Variants in EHMT1 observed in about 807,000 individuals in gnomAD.
EHMT1 encodes the protein histone-lysine N-methyltransferase EHMT1.
Under a neutral mutation model 147.2 loss-of-function variants are expected in EHMT1, and 15 were observed. The observed-to-expected ratio is 0.10, with a 90% CI of 0.07 to 0.16. EHMT1 has a LOEUF of 0.16. Ranked by LOEUF, EHMT1 falls within the 10% of genes least tolerant of loss-of-function variation. The pLI is 1.00. For synonymous variants in EHMT1, 795 were observed against 709.6 expected (o/e 1.12, Z -1.91); for missense variants, 1,587 against 1,772.4 (o/e 0.90, Z 1.88).
rs182057970 is a variant in EHMT1, at chr9:137,782,630, T to C, written c.2382+233T>C. 1.0e-3 allele frequency among the ~76,000 whole-genome samples: 159 copies of C among 152,284 alleles called. 2 individuals carry two copies. Among genetic ancestry groups the C allele is most frequent in the Non-Finnish European group, 1.9e-3 (127 of 68,028 alleles). On this transcript the variant is annotated intron_variant, in intron 15 of 26. Transcript: ENST00000460843. This position sits in a 1 kb window ranked among gnomAD's most constrained non-coding sequence, Gnocchi z 5.7. Reference sequence around the variant, plus strand: ...AAGAGCATGCCGCCATTTGGCTGTTTCTTGATTTGCTTTCTTTGGTTTTGG... The same window carrying C: ...AAGAGCATGCCGCCATTTGGCTGTTCCTTGATTTGCTTTCTTTGGTTTTGG...
chr9:137,641,286 C>T (rs374215237), intron 1 of EHMT1: 50 of 442,156 alleles, frequency 1.1e-4, no homozygotes, highest in Middle Eastern at 8.4e-4. Flanking sequence ...ATTTGATTTC[C>T]GTGGACTTTG....
intron 3 of EHMT1, among the ~76,000 whole-genome samples, chr9:137,721,200 ACCC>A (rs1488963890): frequency 1.2e-3 from 10 of 8,184 alleles, no homozygotes; most frequent in South Asian, 3.8e-3. Context: ...TCTCACACTC[ACCC>A]CTCCCAGACT....
In EHMT1 at chr9:137,718,754, C is replaced by CTT. The variant is rs1163532857; in HGVS notation, c.642+1576_642+1577dup. On this transcript the variant is annotated intron_variant, in intron 3 of 26. Transcript: ENST00000460843. ...ATTAGTTCTCTCTCTTTTTCTTTTT[C>CTT]TTTTTCTTTTTTTTTTTTTGAGACG... Among the ~76,000 whole-genome samples the CTT allele has an allele frequency of 1.8e-4, 27 of 146,402 alleles. 1 individual carries two copies. Among genetic ancestry groups the CTT allele is most frequent in the African/African-American group, 5.6e-4 (21 of 37,748 alleles).
In EHMT1 at chr9:137,716,749, C is replaced by G; in HGVS notation, c.209C>G (p.Ala70Gly). The stretch of plus-strand genomic sequence containing the variant: ...GATGCCAGCAGTCATGCAAATGCTG[C>G]AAAGCACACTCAGGACAGCGCAAGG... ...NSDASSHANAAKHTQDSARVN... is the reference protein window; with the variant it reads ...NSDASSHANAGKHTQDSARVN... The change falls in exon 3 of 27, where the codon GCA (alanine) becomes GGA (glycine). Residue 70 changes from alanine (A) to glycine (G), a missense_variant. Ala to Gly is a moderately conservative substitution (Grantham distance 60, BLOSUM62 0). This residue lies in a region of EHMT1 where 810 missense variants were observed against 673.0 expected (regional missense o/e 1.20). Transcript: ENST00000460843. The G allele has an allele frequency of 6.2e-7, 1 of 1,612,910 alleles. No individual in the cohort carries two copies. The highest frequency in any genetic ancestry group is 8.5e-7 in the Non-Finnish European group (1 of 1,179,676).
At chr9:137,818,817 C>T (rs74992363) in intron 25 of EHMT1, among the ~76,000 whole-genome samples, 209 of 366 alleles carry the variant, frequency 0.57, 51 homozygotes, top group South Asian at 0.75. Context: ...GAGAGGCCGA[C>T]TGAGGGGCGC....
intron 18 of EHMT1, among the ~76,000 whole-genome samples, chr9:137,806,237 A>C (rs1953938574): frequency 6.6e-6 from 1 of 152,164 alleles, no homozygotes; most frequent in South Asian, 2.1e-4. Context: ...CTGGGATTGC[A>C]GAAATGAGCC....
intron 16 of EHMT1, among the ~76,000 whole-genome samples, chr9:137,794,902 C>CA (rs1301719731): frequency 6.6e-6 from 1 of 152,110 alleles, no homozygotes. Context: ...CTGAAGCTTC[C>CA]AGGAGGAAAA....
chr9:137,753,378 T>C (rs1270638328), intron 7 of EHMT1, among the ~76,000 whole-genome samples: 1 of 152,096 alleles, frequency 6.6e-6, no homozygotes, highest in Non-Finnish European at 1.5e-5. Flanking sequence ...CAGCTTTGGG[T>C]GTGGCGCTTG....
intron 6 of EHMT1, among the ~76,000 whole-genome samples, chr9:137,745,022 A>T (rs1032131352): frequency 6.6e-6 from 1 of 152,250 alleles, no homozygotes; most frequent in Non-Finnish European, 1.5e-5. Context: ...TCAAGTTGAC[A>T]TGCAAATCTG....
At chr9:137,688,771 C>T (rs1564590350) in intron 1 of EHMT1, among the ~76,000 whole-genome samples, 1 of 152,166 alleles carries the variant, frequency 6.6e-6, no homozygotes. Flanking sequence ...GATGAGTTTG[C>T]TTCTGCGTTC....
At chr9:137,714,152 A>G (rs1185408592) in intron 2 of EHMT1, among the ~76,000 whole-genome samples, 2 of 152,092 alleles carry the variant, frequency 1.3e-5, no homozygotes, top group South Asian at 2.1e-4. Context: ...TTATGGCCCT[A>G]CTTCGAATCT....
rs554656861 is a variant in EHMT1 at position 137,716,861 on chromosome 9, C to T, written c.321C>T (p.Asn107=). The T allele has an allele frequency of 1.4e-5, 22 of 1,613,292 alleles. No individual in the cohort carries two copies. Among genetic ancestry groups the T allele is most frequent in the South Asian group, 2.2e-5 (2 of 91,090 alleles). The change falls in exon 3 of 27, where the codon AAC becomes AAT. Residue 107 remains asparagine (N), a synonymous_variant. Transcript: ENST00000460843. ...SERDSEAAKQ[N]HVTADDFVQT... ...GAGACTCAGAAGCGGCGAAGCAAAA[C>T]CACGTCACTGCCGACGACTTTGTGC...
intron 1 of EHMT1, among the ~76,000 whole-genome samples, chr9:137,686,213 G>T (rs1390522913): frequency 6.8e-6 from 1 of 147,086 alleles, no homozygotes; most frequent in African/African-American, 2.5e-5. Flanking sequence ...TAGTTTTGAT[G>T]ACGTCCAATT....
intron 6 of EHMT1, chr9:137,748,042 G>A (rs1218838033): frequency 3.9e-5 from 6 of 151,906 alleles, no homozygotes; most frequent in Admixed American, 1.3e-4. Context: ...TATATTATTA[G>A]TTAATTTTCA....
At chr9:137,764,921 C>A (rs1297176255) in intron 10 of EHMT1, among the ~76,000 whole-genome samples, 1 of 152,214 alleles carries the variant, frequency 6.6e-6, no homozygotes, top group Non-Finnish European at 1.5e-5. Flanking sequence ...AGTCATTTGC[C>A]TTAGTTCCTA....
Position 137,769,824 on chromosome 9 carries a change from C to CTTTACT in EHMT1, c.1648-5282_1648-5281insACTTTT, listed in dbSNP as rs547494545. Among the ~76,000 whole-genome samples the CTTTACT allele has an allele frequency of 3.7e-3, 562 of 151,630 alleles. 15 individuals are homozygous for CTTTACT. In the East Asian group the frequency reaches 0.083, roughly 22 times the overall value. ...TTCTTAGCCAGCTATCACTTTTTTT[C>CTTTACT]TTTCCTTTTCCTTTTCCTTTTCCAT... On this transcript the variant is annotated intron_variant, in intron 10 of 26. Transcript: ENST00000460843.
intron 1 of EHMT1, among the ~76,000 whole-genome samples, chr9:137,647,743 C>T (rs576185630): frequency 1.3e-4 from 19 of 151,996 alleles, no homozygotes; most frequent in Non-Finnish European, 2.2e-4. Context: ...TACACGCGTG[C>T]GCCACCATGC....
chr9:137,761,117 T>C (rs1329774081), intron 9 of EHMT1, among the ~76,000 whole-genome samples: 2 of 152,190 alleles, frequency 1.3e-5, no homozygotes, highest in Non-Finnish European at 2.9e-5. Flanking sequence ...GGAGCTGCAC[T>C]GAGGAAACAC....
At chr9:137,755,001 G>A (rs1007721585) in intron 8 of EHMT1, among the ~76,000 whole-genome samples, 1 of 152,216 alleles carries the variant, frequency 6.6e-6, no homozygotes, top group Non-Finnish European at 1.5e-5. Flanking sequence ...CGTGAATGTA[G>A]GAAGGAAATC....
Sources: allele counts gnomAD v4.1 joint callset (sites outside exome capture counted in the v4.1 genomes callset), GRCh38; gene constraint gnomAD v4.1.1; regional missense constraint gnomAD v4.1.1; non-coding constraint Gnocchi (gnomAD v3.1); transcripts MANE v1.5; gene names NCBI Gene and HGNC (gene_info 2026-07-23, HGNC 2026-07-21).